Variants in LPAR1 observed in about 807,000 individuals in gnomAD.
LPAR1 encodes the protein LPA receptor 1.
In LPAR1, 5 loss-of-function variants were observed where a neutral mutation model predicts 23.8. That is an observed-to-expected ratio of 0.21 (90% CI 0.11 to 0.44). LPAR1 has a LOEUF of 0.44. LPAR1 is among the 20% of genes least tolerant of loss of function. The pLI is 0.99. For missense variants in LPAR1, 311 were observed against 482.8 expected (o/e 0.64, Z 3.33); for synonymous variants, 160 against 164.7 (o/e 0.97, Z 0.22).
chr9:110,945,499 T>C (rs1450517750), intron 4 of LPAR1: 1 of 152,206 alleles, frequency 6.6e-6, no homozygotes, highest in Admixed American at 6.5e-5. Flanking sequence ...ATGTGTTTTG[T>C]TAACATAGTA....
At chr9:110,948,596 C>T (rs534084589) in intron 4 of LPAR1, among the ~76,000 whole-genome samples, 54 of 152,292 alleles carry the variant, frequency 3.5e-4, no homozygotes, top group South Asian at 6.2e-4. Flanking sequence ...CATCATCATA[C>T]TTGTCAAATT....
chr9:110,995,874 T>C (rs2096990214), intron 2 of LPAR1, among the ~76,000 whole-genome samples: 1 of 152,164 alleles, frequency 6.6e-6, no homozygotes. Context: ...TTTCCTGTTA[T>C]GAAAGGGTTT....
intron 2 of LPAR1, among the ~76,000 whole-genome samples, chr9:110,985,763 T>A (rs2096768038): frequency 6.6e-6 from 1 of 152,130 alleles, no homozygotes; most frequent in South Asian, 2.1e-4. Flanking sequence ...TATCTTAGAA[T>A]AAGTGTCACT....
intron 2 of LPAR1, among the ~76,000 whole-genome samples, chr9:110,993,037 T>C (rs985790516): frequency 1.2e-4 from 19 of 152,228 alleles, no homozygotes; most frequent in Admixed American, 3.3e-4. Flanking sequence ...AACGCTATTT[T>C]ACAACTTTTT....
chr9:110,879,859 G>T (rs533932678), intron 5 of LPAR1, among the ~76,000 whole-genome samples: 4 of 152,232 alleles, frequency 2.6e-5, no homozygotes, highest in African/African-American at 9.6e-5. Context: ...ATGAGACAGA[G>T]AAGTCTAGAA....
chr9:111,029,477 C>T (rs1389422327), intron 2 of LPAR1, among the ~76,000 whole-genome samples: 1 of 152,060 alleles, frequency 6.6e-6, no homozygotes. Context: ...ATTTCAGGCA[C>T]TCCTCCCCAA....
At chr9:110,946,500 T>G (rs909722077) in intron 4 of LPAR1, among the ~76,000 whole-genome samples, 1 of 152,076 alleles carries the variant, frequency 6.6e-6, no homozygotes, top group African/African-American at 2.4e-5. Flanking sequence ...ACAGACCCAT[T>G]ATACAGAGAA....
chr9:110,959,676 T>A (rs1457456706), intron 4 of LPAR1, among the ~76,000 whole-genome samples: 1 of 151,850 alleles, frequency 6.6e-6, no homozygotes, highest in Admixed American at 6.6e-5. Context: ...TATCAGTATA[T>A]CAAAAGGATA....
chr9:110,935,984 T>C (rs930637536), intron 5 of LPAR1, among the ~76,000 whole-genome samples: 4 of 152,152 alleles, frequency 2.6e-5, no homozygotes, highest in Non-Finnish European at 4.4e-5. Context: ...GTGATCATCA[T>C]TGCTCATGAA....
In LPAR1 at chr9:111,025,924, G is replaced by A. The variant is rs559700124; in HGVS notation, c.-182+10198C>T. ...GGTCTTTATATCTGTTTTGGTACCA[G>A]TAATAGCCTTGTAGTATAGTTTGAA... On this transcript the variant is annotated intron_variant, in intron 2 of 5. Transcript: ENST00000683809. Among the ~76,000 whole-genome samples, 21 of 151,568 alleles carry A rather than the reference G, an allele frequency of 1.4e-4. No homozygotes were observed. In the South Asian group the frequency reaches 3.3e-3, roughly 24 times the overall value.
At chr9:110,919,876 T>C (rs998344966) in intron 5 of LPAR1, among the ~76,000 whole-genome samples, 1 of 152,166 alleles carries the variant, frequency 6.6e-6, no homozygotes, top group African/African-American at 2.4e-5. Context: ...CCTCTTTAGA[T>C]TGTCATAGTG....
In LPAR1 at chr9:110,974,469, T is replaced by C. The variant is rs533930116; in HGVS notation, c.-181-911A>G. 3.3e-5 allele frequency among the ~76,000 whole-genome samples: 5 copies of C among 152,304 alleles called. No individual in the cohort carries two copies. The South Asian group carries it at 1.0e-3, about 32-fold the overall frequency. ...AGTGCTGCTTTTCTAAGAAATAATCTAGGTTTGACAGCAACTTCTATAAGC... is the reference window on the plus strand; with the variant it reads ...AGTGCTGCTTTTCTAAGAAATAATCCAGGTTTGACAGCAACTTCTATAAGC... On this transcript the variant is annotated intron_variant, in intron 2 of 5. Transcript: ENST00000683809.
rs2094716310 is a variant in LPAR1 at position 110,936,500 on chromosome 9, A to T, written c.793+4921T>A. Among the ~76,000 whole-genome samples the T allele has an allele frequency of 1.3e-5, 2 of 152,180 alleles. 1 individual carries two copies. The highest frequency in any genetic ancestry group is 4.1e-4 in the South Asian group (2 of 4,834). On this transcript the variant is annotated intron_variant, in intron 5 of 5. Coordinates refer to ENST00000683809, the MANE Select transcript of LPAR1 (RefSeq NM_001351411.2). ...CTTACAAAAAGAATGATCTTAGACA[A>T]GTTACTTAACCTATCCTAATTCAGT...
At chr9:110,950,397 G>T (rs191709945) in intron 4 of LPAR1, among the ~76,000 whole-genome samples, 1 of 151,448 alleles carries the variant, frequency 6.6e-6, no homozygotes, top group Non-Finnish European at 1.5e-5. Flanking sequence ...CCTGGGAGGC[G>T]GAGGTTGCAG....
chr9:110,920,949 C>T (rs553075797), intron 5 of LPAR1, among the ~76,000 whole-genome samples: 1 of 151,432 alleles, frequency 6.6e-6, no homozygotes, highest in Non-Finnish European at 1.5e-5. Context: ...ATAATGAGAC[C>T]CCATCTCAAC....
chr9:110,978,523 A>G (rs887258233), intron 2 of LPAR1, among the ~76,000 whole-genome samples: 1 of 152,210 alleles, frequency 6.6e-6, no homozygotes, highest in Non-Finnish European at 1.5e-5. Flanking sequence ...TTTAGATAAA[A>G]TGGGGAAATT....
chr9:111,001,681 G>A (rs1426782634), intron 2 of LPAR1, among the ~76,000 whole-genome samples: 1 of 152,234 alleles, frequency 6.6e-6, no homozygotes, highest in East Asian at 1.9e-4. Flanking sequence ...CTTCATTTCT[G>A]AACCCTTCTA....
Position 110,875,227 on chromosome 9 carries a change from TTGTCA to T in LPAR1, c.*189_*193del. The T allele has an allele frequency of 2.0e-6, 1 of 506,232 alleles. No individual in the cohort carries two copies. The highest frequency in any genetic ancestry group is 3.5e-6 in the Non-Finnish European group (1 of 287,640). 31.4% of individuals were successfully genotyped at this position (506,232 alleles called of 1,614,324 possible). A position where few individuals can be genotyped will look rare whatever the true frequency, so the allele number is the denominator to read the frequency against. On this transcript the variant is annotated 3_prime_UTR_variant, in exon 6 of 6. Transcript: ENST00000683809. Reference sequence around the variant, plus strand: ...GAAGGGATGGGGATCAAGATGAGGGTTGTCACATAAGCTAATTTTCAATATATATC... The same window carrying T: ...GAAGGGATGGGGATCAAGATGAGGGTCATAAGCTAATTTTCAATATATATC...
intron 2 of LPAR1, among the ~76,000 whole-genome samples, chr9:111,001,865 A>G (rs1471117326): frequency 1.3e-5 from 2 of 152,224 alleles, no homozygotes; most frequent in African/African-American, 4.8e-5. Flanking sequence ...TTCAGCAGAC[A>G]GATTAAAAGC....
Sources: gnomAD v4.1 joint callset for allele counts (sites outside exome capture counted in the v4.1 genomes callset) on GRCh38, gnomAD v4.1.1 for gene constraint, MANE v1.5 for transcripts, NCBI Gene and HGNC (gene_info 2026-07-23, HGNC 2026-07-21) for gene names.